Variants in INTS2 observed in about 807,000 individuals in gnomAD.
INTS2 encodes integrator complex subunit 2.
Under a neutral mutation model 139.6 loss-of-function variants are expected in INTS2, and 57 were observed. The ratio of observed to expected loss-of-function variants is 0.41; its 90% CI spans 0.33 to 0.51. INTS2 has a LOEUF of 0.51. INTS2 is among the 20% of genes least tolerant of loss of function. The probability of loss-of-function intolerance (pLI) is 0.28; values close to 1 mark genes in which losing one functional copy is unlikely to be tolerated. For synonymous variants in INTS2, 473 were observed against 493.4 expected, an observed-to-expected ratio of 0.96 and a Z score of 0.55; for missense variants, 1,196 against 1,436.7, an observed-to-expected ratio of 0.83 and a Z score of 2.71.
At chr17:61,918,249 G>C (rs2079602916) in intron 5 of INTS2, among the ~76,000 whole-genome samples, 1 of 152,092 alleles carries the variant, frequency 6.6e-6, no homozygotes, top group African/African-American at 2.4e-5. Context: ...ATTTTGGTTT[G>C]TTTGTTTGTT....
Position 61,897,167 on chromosome 17 carries a change from A to G in INTS2, c.1494+302T>C, listed in dbSNP as rs375942704. 4.6e-5 allele frequency among the ~76,000 whole-genome samples: 7 copies of G among 152,142 alleles called. No homozygotes were observed. The highest frequency in any genetic ancestry group is 1.7e-4 in the African/African-American group (7 of 41,458). On this transcript the variant is annotated intron_variant, in intron 11 of 24. Coordinates refer to ENST00000251334, the MANE Select transcript of INTS2 (RefSeq NM_001351695.2). The surrounding 1 kb of genome is among the most constrained non-coding windows in gnomAD (Gnocchi z 4.4). ...CATATATTAATTTTTTTAAATCATC[A>G]AATATGTACGTCACTTTAAAGAAAG... is the stretch of plus-strand genomic sequence containing the variant.
rs1313833054 is a variant in INTS2, at chr17:61,921,845, A to G, written c.433-18T>C. On this transcript the variant is annotated intron_variant, in intron 3 of 24. Transcript: ENST00000251334. ...TCAGACACCTTAAAAAAGAAAAAAA[A>G]AAGATATAAACTCTATTAATTTCAG... 7 of 1,274,802 alleles carry G rather than the reference A, an allele frequency of 5.5e-6. No individual in the cohort carries two copies. The highest frequency in any genetic ancestry group is 7.8e-6 in the Non-Finnish European group (7 of 899,152). The allele number at this position is 1,274,802 out of a possible 1,614,324, so 79.0% of individuals were successfully genotyped here. A position where few individuals can be genotyped will look rare whatever the true frequency, so the allele number is the denominator to read the frequency against.
chr17:61,892,317 T>A (rs1306020599), intron 13 of INTS2, among the ~76,000 whole-genome samples: 1 of 152,248 alleles, frequency 6.6e-6, no homozygotes, highest in Non-Finnish European at 1.5e-5. Flanking sequence ...TTTGTAAATA[T>A]CTGAAAAAGT....
At chr17:61,902,733 T>G (rs1467451706) in intron 9 of INTS2, among the ~76,000 whole-genome samples, 1 of 149,350 alleles carries the variant, frequency 6.7e-6, no homozygotes, top group Admixed American at 6.7e-5. Flanking sequence ...TCTCCAGGGG[T>G]AGTGGAACGT....
intron 5 of INTS2, among the ~76,000 whole-genome samples, chr17:61,915,220 C>A (rs2143131642): frequency 6.6e-6 from 1 of 151,958 alleles, no homozygotes; most frequent in South Asian, 2.1e-4. Flanking sequence ...CGCCTGTAGT[C>A]CCAGCTACTC....
intron 15 of INTS2, 109 bp from the exon 16 acceptor site, chr17:61,885,114 T>A: frequency 1.4e-6 from 1 of 706,726 alleles, no homozygotes. Flanking sequence ...TTTAATGCAA[T>A]TAACCTGCGA....
rs62068844 is a variant in INTS2 at position 61,873,293 on chromosome 17, G to A, written c.2583-833C>T. On this transcript the variant is annotated intron_variant, in intron 19 of 24. Coordinates refer to ENST00000251334, the MANE Select transcript of INTS2 (RefSeq NM_001351695.2). The surrounding 1 kb of genome is among the most constrained non-coding windows in gnomAD (Gnocchi z 4.0). ...AATCCCAGCTACTCAGGAGGCTGAG[G>A]CAAGAGGATTGCTTAAGCCCAGGAG... Among the ~76,000 whole-genome samples the A allele has an allele frequency of 2.7e-3, 410 of 152,224 alleles. No homozygotes were observed. Among genetic ancestry groups the A allele is most frequent in the Middle Eastern group, 6.8e-3 (2 of 294 alleles).
In INTS2 at chr17:61,885,021, A is replaced by T; in HGVS notation, c.1985-16T>A. The T allele has an allele frequency of 6.7e-7, 1 of 1,487,602 alleles. No individual in the cohort carries two copies. The highest frequency in any genetic ancestry group is 9.2e-7 in the Non-Finnish European group (1 of 1,085,922). The allele number at this position is 1,487,602 out of a possible 1,614,324, so 92.2% of individuals were successfully genotyped here. A position where few individuals can be genotyped will look rare whatever the true frequency, so the allele number is the denominator to read the frequency against. ...TGCATGGCAGCTATCAAAGATAAAA[A>T]GTGTAAAATAAATAAAATGTCCAGA... On this transcript the variant is annotated splice_polypyrimidine_tract_variant and intron_variant, in intron 15 of 24. Coordinates refer to ENST00000251334, the MANE Select transcript of INTS2 (RefSeq NM_001351695.2).
At chr17:61,924,191 T>C (rs2079683433) in intron 3 of INTS2, among the ~76,000 whole-genome samples, 1 of 152,206 alleles carries the variant, frequency 6.6e-6, no homozygotes, top group Non-Finnish European at 1.5e-5. Flanking sequence ...TATGAGGCTG[T>C]TACTGCTCAT....
rs1468093998 is a variant in INTS2, at chr17:61,907,644, A to G, written c.955-10T>C. On this transcript the variant is annotated splice_polypyrimidine_tract_variant and intron_variant, in intron 7 of 24. Coordinates refer to ENST00000251334, the MANE Select transcript of INTS2 (RefSeq NM_001351695.2). ...TGGTCTCTCTTTTTCTCTGAAAGAAATATGGATCACAAAAGGAAGAAAGCA... is the reference window on the plus strand; with the variant it reads ...TGGTCTCTCTTTTTCTCTGAAAGAAGTATGGATCACAAAAGGAAGAAAGCA... 3 of 1,559,970 alleles carry G rather than the reference A, an allele frequency of 1.9e-6. No individual in the cohort carries two copies. Among genetic ancestry groups the G allele is most frequent in the Non-Finnish European group, 2.6e-6 (3 of 1,149,380 alleles).
intron 15 of INTS2, 59 bp downstream of exon 15, chr17:61,889,727 C>T (rs1020849509): frequency 1.2e-6 from 1 of 817,072 alleles, no homozygotes; most frequent in Non-Finnish European, 2.0e-6. Flanking sequence ...TGGAAAGTAA[C>T]AAAATACAAG....
rs991943724 is a variant in INTS2, at chr17:61,866,752, A to G, written c.*805T>C. 2 of 152,316 alleles carry G rather than the reference A, an allele frequency of 1.3e-5. No individual in the cohort carries two copies. Among genetic ancestry groups the G allele is most frequent in the South Asian group, 2.1e-4 (1 of 4,826 alleles). 9.4% of individuals were successfully genotyped at this position (152,316 alleles called of 1,614,324 possible). Reference sequence around the variant, plus strand: ...CCCTCTGAGCATTAGGTAAGTTAATAAAGCATTATAAAAATAAATTTAAAA... The same window carrying G: ...CCCTCTGAGCATTAGGTAAGTTAATGAAGCATTATAAAAATAAATTTAAAA... On this transcript the variant is annotated 3_prime_UTR_variant, in exon 25 of 25. Transcript: ENST00000251334.
At position 61,872,154 on chromosome 17, in the gene INTS2, C is replaced by G. The variant is rs1408655132; in HGVS notation, c.2778+111G>C. The G allele has an allele frequency of 3.6e-6, 2 of 556,910 alleles. No homozygotes were observed. The highest frequency in any genetic ancestry group is 6.3e-6 in the Non-Finnish European group (2 of 319,900). 34.5% of individuals were successfully genotyped at this position (556,910 alleles called of 1,614,324 possible). A position where few individuals can be genotyped will look rare whatever the true frequency, so the allele number is the denominator to read the frequency against. On this transcript the variant is annotated intron_variant, in intron 20 of 24. Transcript: ENST00000251334. The surrounding 1 kb of genome is among the most constrained non-coding windows in gnomAD (Gnocchi z 4.8). ...TAGATTCTATAATAAAAGAAATGCA[C>G]AATATGTCACCAATGTACATGGAGC...
intron 7 of INTS2, among the ~76,000 whole-genome samples, chr17:61,907,849 G>C (rs1365336757): frequency 6.6e-6 from 1 of 152,160 alleles, no homozygotes; most frequent in East Asian, 1.9e-4. Flanking sequence ...ATTGGTTGCA[G>C]AGGAAAGACT....
In INTS2 at chr17:61,925,104, T is replaced by A. The variant is rs2079695801; in HGVS notation, c.294-5A>T. 1 of 1,612,378 alleles carries A rather than the reference T, an allele frequency of 6.2e-7. No individual in the cohort carries two copies. ...CTGCCTCCTCCAAGTTTATGCCTAA[T>A]GAAGTACAAAACATGTAACAATTAT... On this transcript the variant is annotated splice_region_variant and splice_polypyrimidine_tract_variant and intron_variant, in intron 2 of 24. Transcript: ENST00000251334.
In INTS2 at chr17:61,886,201, C is replaced by T. The variant is rs1354143720; in HGVS notation, c.1985-1196G>A. 2.6e-5 allele frequency among the ~76,000 whole-genome samples: 4 copies of T among 152,152 alleles called. No individual in the cohort carries two copies. In the East Asian group the frequency reaches 7.7e-4, roughly 29 times the overall value. ...AAGTAGCTGAGACTACAGGTGCCCG[C>T]CACCACGCCTAGCTAATGTTTGCAT... On this transcript the variant is annotated intron_variant, in intron 15 of 24. Transcript: ENST00000251334.
In INTS2 at chr17:61,909,574, T is replaced by G. The variant is rs1330289480; in HGVS notation, c.955-1940A>C. ...CACCCCCTTCCCACCCTCCCAACAT[T>G]TGGAGTCTATGATGTGTATTATCCC... On this transcript the variant is annotated intron_variant, in intron 7 of 24. Coordinates refer to ENST00000251334, the MANE Select transcript of INTS2 (RefSeq NM_001351695.2). The surrounding 1 kb of genome is among the most constrained non-coding windows in gnomAD (Gnocchi z 4.9). Among the ~76,000 whole-genome samples, 2 of 152,058 alleles carry G rather than the reference T, an allele frequency of 1.3e-5. No homozygotes were observed. Among genetic ancestry groups the G allele is most frequent in the Non-Finnish European group, 2.9e-5 (2 of 68,004 alleles).
chr17:61,920,919 G>C (rs1175590595), intron 4 of INTS2, among the ~76,000 whole-genome samples: 1 of 152,032 alleles, frequency 6.6e-6, no homozygotes, highest in Admixed American at 6.6e-5. Flanking sequence ...CATGCAGCTG[G>C]GACTACAGGT....
rs746751744 is a variant in INTS2 at position 61,869,865 on chromosome 17, T to G, written c.2902A>C (p.Asn968His). ...VQSVITTSAP[N>H]KGMEEGEDNL... ...TCTTCTCCTTCCTCCATTCCCTTAT[T>G]TGGAGCGCTGGTGGTAATAACACTT... Residue 968 changes from asparagine (N) to histidine (H), a missense_variant, in exon 21 of 25, where the codon AAT becomes CAT. Coordinates refer to ENST00000251334, the MANE Select transcript of INTS2 (RefSeq NM_001351695.2). This position sits in a 1 kb window ranked among gnomAD's most constrained non-coding sequence, Gnocchi z 5.4. 43 of 1,613,922 alleles carry G rather than the reference T, an allele frequency of 2.7e-5. 1 individual carries two copies. The South Asian group carries it at 4.5e-4, about 17-fold the overall frequency.
Sources: gnomAD v4.1 joint callset for allele counts (sites outside exome capture counted in the v4.1 genomes callset) on GRCh38, gnomAD v4.1.1 for gene constraint, Gnocchi (gnomAD v3.1) non-coding constraint, MANE v1.5 for transcripts, NCBI Gene and HGNC (gene_info 2026-07-23, HGNC 2026-07-21) for gene names.